SIGLEC15: variants seen among roughly 807,000 people sequenced by gnomAD.
SIGLEC15 encodes sialic acid-binding Ig-like lectin 15.
SIGLEC15 carries 31 observed loss-of-function variants against 26.2 expected under a neutral mutation model. The observed-to-expected ratio is 1.18, with a 90% CI of 0.89 to 1.60. The LOEUF is 1.60. Among genes scored for constraint, SIGLEC15 ranks in the 40% most tolerant of loss-of-function variants. The pLI is 0.00. For missense variants in SIGLEC15, 501 were observed against 488.4 expected (o/e 1.03, Z -0.24); for synonymous variants, 207 against 221.9 (o/e 0.93, Z 0.60).
At chr18:45,832,612 G>C (rs986750229) in intron 1 of SIGLEC15, among the ~76,000 whole-genome samples, 2 of 152,222 alleles carry the variant, frequency 1.3e-5, no homozygotes, top group Admixed American at 1.3e-4. Context: ...CATTGAGGGA[G>C]GGTATTTTGG....
At chr18:45,840,317 G>A in intron 5 of SIGLEC15, 76 bp downstream of exon 5, 1 of 1,507,736 alleles carries the variant, frequency 6.6e-7, no homozygotes, top group Non-Finnish European at 9.0e-7. Flanking sequence ...CCAGGCAGGA[G>A]AAGGAATAAA....
At chr18:45,837,350 G>C (rs922706254) in intron 2 of SIGLEC15, among the ~76,000 whole-genome samples, 163 bp from the exon 3 acceptor site, 4 of 152,236 alleles carry the variant, frequency 2.6e-5, no homozygotes, top group African/African-American at 9.6e-5. Flanking sequence ...AAGTCACAAG[G>C]TGGGGTTCCG....
At chr18:45,837,225 G>C in intron 2 of SIGLEC15, 137 bp downstream of exon 2, 1 of 1,400,546 alleles carries the variant, frequency 7.1e-7, no homozygotes, top group Non-Finnish European at 9.4e-7. Context: ...GGGGCCTGCA[G>C]GTGAATTAGG....
intron 1 of SIGLEC15, 28 bp from the exon 2 acceptor site, chr18:45,837,001 A>C: frequency 7.1e-6 from 8 of 1,120,796 alleles, no homozygotes; most frequent in Non-Finnish European, 1.1e-5. Flanking sequence ...TTCACGTGTA[A>C]CCCGGGGTTA....
chr18:45,837,682 C>A lies in SIGLEC15; in HGVS notation c.282C>A (p.Arg94=), dbSNP rs1364275090. The part of the protein sequence containing the change: ...GEPYAGPQVF[R]CAAARGSELC... ...CCTATGCGGGCCCGCAGGTGTTCCG[C>A]TGCGCTGCGGCGCGGGGCAGCGAGC... The change falls in exon 3 of 6, where the codon CGC becomes CGA. Residue 94 remains arginine (R), a synonymous_variant. Coordinates refer to ENST00000389474, the MANE Select transcript of SIGLEC15 (RefSeq NM_213602.3). The A allele has an allele frequency of 2.0e-6, 3 of 1,481,982 alleles. No individual in the cohort carries two copies. In the African/African-American group the frequency reaches 4.4e-5, roughly 22 times the overall value. The allele number at this position is 1,481,982 out of a possible 1,614,324, so 91.8% of individuals were successfully genotyped here.
rs753076642 is a variant in SIGLEC15, at chr18:45,838,976, T to A, written c.755T>A (p.Leu252Gln). Residue 252 changes from leucine (L) to glutamine (Q), a missense_variant, in exon 4 of 6, where the codon CTG becomes CAG. Physicochemically the swap from Leu to Gln is moderately radical, Grantham distance 113 (BLOSUM62 -2). Coordinates refer to ENST00000389474, the MANE Select transcript of SIGLEC15 (RefSeq NM_213602.3). ...GGCCGCTCCGAGGCCAGCGTCTACC[T>A]GTTCCGCTTCCATGGCGCCAGCGGG... ...SLGRSEASVY[L>Q]FRFHGASGAS... is the part of the protein sequence containing the mutation. 2.7e-5 allele frequency: 43 copies of A among 1,601,658 alleles called. 1 individual carries two copies. In the African/African-American group the frequency reaches 4.9e-4, roughly 18 times the overall value.
In SIGLEC15 at chr18:45,838,705, T is replaced by G. The variant is rs776133488; in HGVS notation, c.497-13T>G. On this transcript the variant is annotated splice_polypyrimidine_tract_variant and intron_variant, in intron 3 of 5. Transcript: ENST00000389474. The stretch of plus-strand genomic sequence containing the variant: ...GGTGCCCTTGTGACAGTCACCCGCC[T>G]TCTCCCCTGCAGCCGCGCCGCGGAT... The G allele has an allele frequency of 1.3e-5, 20 of 1,561,696 alleles. No individual in the cohort carries two copies. The African/African-American group carries it at 2.3e-4, about 18-fold the overall frequency.
intron 1 of SIGLEC15, among the ~76,000 whole-genome samples, chr18:45,836,380 A>C (rs2145059432): frequency 6.6e-6 from 1 of 152,172 alleles, no homozygotes; most frequent in East Asian, 1.9e-4. Context: ...ATTTCCTCTA[A>C]AGATCCTTTT....
chr18:45,837,952 C>G (rs1054827208), intron 3 of SIGLEC15, 56 bp downstream of exon 3: 6 of 1,425,668 alleles, frequency 4.2e-6, no homozygotes, highest in Admixed American at 2.9e-5. Context: ...CCGCCTGCCC[C>G]GCCCCAAGGG....
chr18:45,837,451 C>T (rs958865231), intron 2 of SIGLEC15, 62 bp from the exon 3 acceptor site: 9 of 1,417,722 alleles, frequency 6.3e-6, no homozygotes, highest in Non-Finnish European at 8.2e-6. Context: ...GGTTTCCAGG[C>T]CCCGGGTGCG....
chr18:45,829,139 C>T (rs927377062), intron 1 of SIGLEC15: 22 of 985,378 alleles, frequency 2.2e-5, no homozygotes, highest in Non-Finnish European at 2.5e-5. Context: ...GGGCACAGGC[C>T]CCACAGCAGG....
intron 1 of SIGLEC15, among the ~76,000 whole-genome samples, chr18:45,834,222 C>A (rs2048258394): frequency 6.6e-6 from 1 of 152,216 alleles, no homozygotes; most frequent in Non-Finnish European, 1.5e-5. Flanking sequence ...CCCCTACCCT[C>A]TCCTGTCAGC....
At chr18:45,834,729 G>A (rs1044483673) in intron 1 of SIGLEC15, among the ~76,000 whole-genome samples, 1 of 152,254 alleles carries the variant, frequency 6.6e-6, no homozygotes, top group Non-Finnish European at 1.5e-5. Context: ...CTGGCATAAA[G>A]TGGGGAAGTG....
Position 45,842,581 on chromosome 18 carries a change from GTCC to G in SIGLEC15, c.*400_*402del, listed in dbSNP as rs745799157. ...TTACAGGGCCTGGAGGCCCAGTCTT[GTCC>G]TCCTCTGTCACCGACTTGCTGTGTG... is the stretch of plus-strand genomic sequence containing the variant. On this transcript the variant is annotated 3_prime_UTR_variant, in exon 6 of 6. Coordinates refer to ENST00000389474, the MANE Select transcript of SIGLEC15 (RefSeq NM_213602.3). 10 of 191,250 alleles carry G rather than the reference GTCC, an allele frequency of 5.2e-5. No individual in the cohort carries two copies. The highest frequency in any genetic ancestry group is 9.8e-5 in the Non-Finnish European group (9 of 91,466). 11.8% of individuals were successfully genotyped at this position (191,250 alleles called of 1,614,324 possible). A position where few individuals can be genotyped will look rare whatever the true frequency, so the allele number is the denominator to read the frequency against.
rs1416517766 is a variant in SIGLEC15, at chr18:45,838,929, G to C, written c.708G>C (p.Thr236=). Residue 236 remains threonine (T), a synonymous_variant, in exon 4 of 6, where the codon ACG becomes ACC. Transcript: ENST00000389474. ...CACTGACCCATGACGGCCGCTACAC[G>C]TGTACGGCCGCCAACAGCCTGGGCC... is the stretch of plus-strand genomic sequence containing the variant. ...LPALTHDGRY[T]CTAANSLGRS... 2 of 1,604,362 alleles carry C rather than the reference G, an allele frequency of 1.2e-6. No homozygotes were observed. Among genetic ancestry groups the C allele is most frequent in the African/African-American group, 1.3e-5 (1 of 74,554 alleles).
In SIGLEC15 at chr18:45,827,962, C is replaced by T. The variant is rs1004704456; in HGVS notation, c.52+2182C>T. ...GTGCAGCCAAGCCACTCGCGTGAGCCGACTCAGCTGCAGAAAGTCATTTTC... is the reference window on the plus strand; with the variant it reads ...GTGCAGCCAAGCCACTCGCGTGAGCTGACTCAGCTGCAGAAAGTCATTTTC... On this transcript the variant is annotated intron_variant, in intron 1 of 5. Coordinates refer to ENST00000389474, the MANE Select transcript of SIGLEC15 (RefSeq NM_213602.3). Among the ~76,000 whole-genome samples the T allele has an allele frequency of 4.6e-5, 7 of 152,328 alleles. No homozygotes were observed. The East Asian group carries it at 7.7e-4, about 17-fold the overall frequency.
chr18:45,837,773 C>T lies in SIGLEC15; in HGVS notation c.373C>T (p.Leu125Phe), dbSNP rs773475256. ...GCTGGGCAACCCGCGCCGCAACGAC[C>T]TCTCGCTGCGCGTCGAGCGCCTCGC... The part of the protein sequence containing the change: ...RLLGNPRRND[L>F]SLRVERLALA... The change falls in exon 3 of 6, where the codon CTC becomes TTC. Residue 125 changes from leucine (L) to phenylalanine (F), a missense_variant. Coordinates refer to ENST00000389474, the MANE Select transcript of SIGLEC15 (RefSeq NM_213602.3). The T allele has an allele frequency of 4.1e-5, 63 of 1,524,234 alleles. No individual in the cohort carries two copies. The highest frequency in any genetic ancestry group is 1.9e-5 in the Admixed American group (1 of 51,994). The allele number at this position is 1,524,234 out of a possible 1,614,324, so 94.4% of individuals were successfully genotyped here.
chr18:45,838,628 T>C (rs2048295813), intron 3 of SIGLEC15, 90 bp from the exon 4 acceptor site: 2 of 1,428,688 alleles, frequency 1.4e-6, no homozygotes, highest in Non-Finnish European at 1.8e-6. Flanking sequence ...ATTCCTCCCT[T>C]CTGACCAGCC....
Position 45,838,741 on chromosome 18 carries a change from T to C in SIGLEC15, c.520T>C (p.Ser174Pro), listed in dbSNP as rs199538940. ...VTAAPRIVNISVLPSPAHAFR... is the reference protein window; with the variant it reads ...VTAAPRIVNIPVLPSPAHAFR... ...AGCCGCGCCGCGGATCGTCAACATCTCGGTGCTGCCCAGTCCGGCTCACGC... is the reference window on the plus strand; with the variant it reads ...AGCCGCGCCGCGGATCGTCAACATCCCGGTGCTGCCCAGTCCGGCTCACGC... The change falls in exon 4 of 6, where the codon TCG (serine) becomes CCG (proline). Residue 174 changes from serine (S) to proline (P), a missense_variant. Transcript: ENST00000389474. The C allele has an allele frequency of 6.3e-7, 1 of 1,580,372 alleles. No individual in the cohort carries two copies. Among genetic ancestry groups the C allele is most frequent in the East Asian group, 2.3e-5 (1 of 43,630 alleles).
Sources: allele counts gnomAD v4.1 joint callset (sites outside exome capture counted in the v4.1 genomes callset), GRCh38; gene constraint gnomAD v4.1.1; transcripts MANE v1.5; gene names NCBI Gene and HGNC (gene_info 2026-07-23, HGNC 2026-07-21).